SENP7: variants seen among roughly 807,000 people sequenced by gnomAD.
SENP7 encodes sentrin-specific protease 7.
In SENP7, 64 loss-of-function variants were observed where a neutral mutation model predicts 141.2. The ratio of observed to expected loss-of-function variants is 0.45; its 90% CI spans 0.37 to 0.56. The LOEUF is 0.56. Ranked by LOEUF, SENP7 falls within the 20% of genes least tolerant of loss-of-function variation. The pLI is 0.00. For missense variants in SENP7, 1,025 were observed against 1,212.2 expected (o/e 0.85, Z 2.29); for synonymous variants, 382 against 426.4 (o/e 0.90, Z 1.28).
intron 3 of SENP7, among the ~76,000 whole-genome samples, chr3:101,482,035 G>T (rs1215146136): frequency 6.6e-6 from 1 of 152,072 alleles, no homozygotes; most frequent in Non-Finnish European, 1.5e-5. Flanking sequence ...ACTTGGCCAG[G>T]CGCAGTGGCT....
chr3:101,395,397 C>G (rs2060938407), intron 6 of SENP7, among the ~76,000 whole-genome samples: 1 of 152,180 alleles, frequency 6.6e-6, no homozygotes, highest in Non-Finnish European at 1.5e-5. Context: ...AGAGGGTGTC[C>G]TTTCCCCAGT....
At chr3:101,332,748 T>G in intron 18 of SENP7, 22 bp downstream of exon 18, 1 of 1,443,026 alleles carries the variant, frequency 6.9e-7, no homozygotes, top group South Asian at 1.6e-5. Flanking sequence ...CAATATGTTC[T>G]TAAATAATCT....
In SENP7 at chr3:101,361,804, G is replaced by C; in HGVS notation, c.1534C>G (p.Pro512Ala). ...PVMENISSIM[P>A]SNEMDLQLDF... is the part of the protein sequence containing the mutation. ...AGTTGTAGATCCATCTCATTACTAGGCATAATACTGGAAATGTTCTCCATG... is the reference window on the plus strand; with the variant it reads ...AGTTGTAGATCCATCTCATTACTAGCCATAATACTGGAAATGTTCTCCATG... Residue 512 changes from proline (P) to alanine (A), a missense_variant, in exon 11 of 24, where the codon CCT becomes GCT. Pro to Ala is a conservative substitution (Grantham distance 27). Coordinates refer to ENST00000394095, the MANE Select transcript of SENP7 (RefSeq NM_020654.5). 1 of 1,607,752 alleles carries C rather than the reference G, an allele frequency of 6.2e-7. No individual in the cohort carries two copies. Among genetic ancestry groups the C allele is most frequent in the Non-Finnish European group, 8.5e-7 (1 of 1,177,796 alleles).
chr3:101,361,406 C>T (rs1387030921), intron 11 of SENP7, among the ~76,000 whole-genome samples: 2 of 151,978 alleles, frequency 1.3e-5, no homozygotes, highest in Admixed American at 6.6e-5. Context: ...CTTCTTTATG[C>T]TCCAAACTAT....
At chr3:101,493,724 A>G in intron 3 of SENP7, 149 bp downstream of exon 3, 1 of 483,118 alleles carries the variant, frequency 2.1e-6, no homozygotes, top group South Asian at 3.8e-5. Flanking sequence ...TCATTTCAAC[A>G]TGCCAAAAAT....
intron 4 of SENP7, among the ~76,000 whole-genome samples, chr3:101,445,365 A>G (rs2107797244): frequency 6.6e-6 from 1 of 152,318 alleles, no homozygotes; most frequent in South Asian, 2.1e-4. Flanking sequence ...AAAAGTATCT[A>G]CCATCATGAA....
At chr3:101,468,471 A>G (rs2063847472) in intron 3 of SENP7, among the ~76,000 whole-genome samples, 1 of 152,228 alleles carries the variant, frequency 6.6e-6, no homozygotes. Context: ...AGGTCGAGTT[A>G]CTCACAAAGG....
intron 3 of SENP7, among the ~76,000 whole-genome samples, chr3:101,461,221 T>C (rs1040631292): frequency 2.0e-5 from 3 of 152,138 alleles, no homozygotes; most frequent in Non-Finnish European, 4.4e-5. Context: ...CGGTCATGGT[T>C]TGAATCAATA....
At chr3:101,413,148 GATAA>G (rs1463058424) in intron 5 of SENP7, among the ~76,000 whole-genome samples, 4 of 151,772 alleles carry the variant, frequency 2.6e-5, no homozygotes, top group Admixed American at 2.6e-4. Context: ...TAAACTTTAG[GATAA>G]AATTAAAATG....
chr3:101,375,192 C>T (rs2060286717), intron 6 of SENP7, among the ~76,000 whole-genome samples: 1 of 152,032 alleles, frequency 6.6e-6, no homozygotes, highest in South Asian at 2.1e-4. Context: ...ACAGTGCAGT[C>T]ACTGTGGAAT....
At chr3:101,424,403 C>T (rs1382378353) in intron 4 of SENP7, among the ~76,000 whole-genome samples, 3 of 151,578 alleles carry the variant, frequency 2.0e-5, no homozygotes, top group Non-Finnish European at 4.4e-5. Context: ...ACTGTGCATG[C>T]ACCCTGCCCT....
rs1370310178 is a variant in SENP7, at chr3:101,325,278, C to G, written c.*665G>C. The G allele has an allele frequency of 7.1e-6, 1 of 140,352 alleles. No individual in the cohort carries two copies. Among genetic ancestry groups the G allele is most frequent in the Admixed American group, 7.8e-5 (1 of 12,834 alleles). 8.7% of individuals were successfully genotyped at this position (140,352 alleles called of 1,614,324 possible). A position where few individuals can be genotyped will look rare whatever the true frequency, so the allele number is the denominator to read the frequency against. ...CAAATGAACTAAATTATAAGATACT[C>G]ACATATGACATCAAAAGAAATGAAA... On this transcript the variant is annotated 3_prime_UTR_variant, in exon 24 of 24. Coordinates refer to ENST00000394095, the MANE Select transcript of SENP7 (RefSeq NM_020654.5).
intron 12 of SENP7, among the ~76,000 whole-genome samples, chr3:101,349,307 A>G (rs1367473405): frequency 6.6e-6 from 1 of 152,174 alleles, no homozygotes; most frequent in Non-Finnish European, 1.5e-5. Context: ...TTTCTTTCTC[A>G]TGAAGCTCAC....
At chr3:101,397,617 A>T (rs2061007292) in intron 6 of SENP7, among the ~76,000 whole-genome samples, 1 of 152,254 alleles carries the variant, frequency 6.6e-6, no homozygotes, top group Non-Finnish European at 1.5e-5. Flanking sequence ...AATATTTTCC[A>T]AAAGAAGAAA....
intron 3 of SENP7, among the ~76,000 whole-genome samples, chr3:101,470,141 A>T (rs2063927962): frequency 6.6e-6 from 1 of 152,226 alleles, no homozygotes; most frequent in African/African-American, 2.4e-5. Flanking sequence ...TCTAAAATCG[A>T]CACACTAACA....
chr3:101,511,145 T>A (rs945828628), intron 1 of SENP7, among the ~76,000 whole-genome samples: 5 of 152,136 alleles, frequency 3.3e-5, no homozygotes, highest in African/African-American at 9.7e-5. Flanking sequence ...AAAAGAGAGA[T>A]CACGAGAAAA....
intron 4 of SENP7, among the ~76,000 whole-genome samples, chr3:101,453,355 C>A (rs921629866): frequency 6.6e-6 from 1 of 152,208 alleles, no homozygotes; most frequent in African/African-American, 2.4e-5. Context: ...ACCCAGCCAT[C>A]CCACTACTGG....
At chr3:101,381,021 T>C (rs1403925176) in intron 6 of SENP7, among the ~76,000 whole-genome samples, 1 of 152,222 alleles carries the variant, frequency 6.6e-6, no homozygotes, top group Non-Finnish European at 1.5e-5. Context: ...GTAATACATA[T>C]TGTTCAGTAA....
At chr3:101,376,517 G>C (rs1311623702) in intron 6 of SENP7, among the ~76,000 whole-genome samples, 1 of 151,920 alleles carries the variant, frequency 6.6e-6, no homozygotes, top group Non-Finnish European at 1.5e-5. Flanking sequence ...TAGTATATAA[G>C]AAATGGCTGG....
Sources: gnomAD v4.1 joint callset for allele counts (sites outside exome capture counted in the v4.1 genomes callset) on GRCh38, gnomAD v4.1.1 for gene constraint, MANE v1.5 for transcripts, NCBI Gene and HGNC (gene_info 2026-07-23, HGNC 2026-07-21) for gene names.